LRP1B: variants seen among roughly 807,000 people sequenced by gnomAD.
The protein encoded by LRP1B is LDL receptor related protein 1B, also known as low-density lipoprotein receptor-related protein 1B.
In LRP1B, 217 loss-of-function variants were observed where a neutral mutation model predicts 556.6. The observed-to-expected ratio is 0.39, with a 90% CI of 0.35 to 0.44. LRP1B has a LOEUF of 0.44. Among genes scored for constraint, LRP1B ranks in the 20% least tolerant of loss-of-function variants. LRP1B has a pLI of 1.00. For missense variants in LRP1B, 5,053 were observed against 5,620.8 expected (o/e 0.90, Z 3.23); for synonymous variants, 2,047 against 1,865.8 (o/e 1.10, Z -2.50).
At chr2:140,465,580 C>T (rs1271474549) in intron 60 of LRP1B, among the ~76,000 whole-genome samples, 1 of 151,976 alleles carries the variant, frequency 6.6e-6, no homozygotes, top group East Asian at 1.9e-4. Context: ...CCTACTGATC[C>T]CTAATCTACT....
intron 79 of LRP1B, among the ~76,000 whole-genome samples, chr2:140,327,587 C>CA (rs1463530683): frequency 6.6e-6 from 1 of 151,990 alleles, no homozygotes. Context: ...GGGTTAAAAA[C>CA]ATAAAACATG....
At position 141,337,469 on chromosome 2, in the gene LRP1B, C is replaced by T. The variant is rs564314338; in HGVS notation, c.344-82828G>A. 2.0e-3 allele frequency among the ~76,000 whole-genome samples: 286 copies of T among 141,720 alleles called. 1 individual carries two copies. Among genetic ancestry groups the T allele is most frequent in the Admixed American group, 3.7e-3 (53 of 14,338 alleles). 93.0% of individuals were successfully genotyped at this position (141,720 alleles called of 152,430 possible). ...CTGAAAGTAAGTTCTTTATGAGATGCGGGATTTGCAATATTTTGTCTCAGT... is the reference window on the plus strand; with the variant it reads ...CTGAAAGTAAGTTCTTTATGAGATGTGGGATTTGCAATATTTTGTCTCAGT... On this transcript the variant is annotated intron_variant, in intron 3 of 90. Transcript: ENST00000389484.
chr2:141,240,392 T>C (rs984128636), intron 5 of LRP1B, among the ~76,000 whole-genome samples: 1 of 152,052 alleles, frequency 6.6e-6, no homozygotes, highest in Non-Finnish European at 1.5e-5. Flanking sequence ...TTATTCTGTC[T>C]ACTCGGATTT....
intron 11 of LRP1B, among the ~76,000 whole-genome samples, chr2:141,044,235 G>T (rs200194542): frequency 0.019 from 2,822 of 151,510 alleles, 142 homozygotes; most frequent in East Asian, 0.18. Context: ...AGCTGAAACT[G>T]GATCCCTTCC....
intron 3 of LRP1B, among the ~76,000 whole-genome samples, chr2:141,406,373 T>C (rs1002601182): frequency 4.6e-5 from 7 of 152,016 alleles, no homozygotes; most frequent in Non-Finnish European, 8.8e-5. Flanking sequence ...TAAAATCTGG[T>C]TGGGATAACA....
intron 3 of LRP1B, among the ~76,000 whole-genome samples, chr2:141,300,441 T>A (rs1421494404): frequency 6.6e-6 from 1 of 152,164 alleles, no homozygotes; most frequent in African/African-American, 2.4e-5. Context: ...CCTGGAAAGT[T>A]AAATATGGAA....
rs942275492 is a variant in LRP1B at position 140,843,151 on chromosome 2, G to A, written c.4940-2059C>T. 4.2e-5 allele frequency among the ~76,000 whole-genome samples: 5 copies of A among 118,860 alleles called. No individual in the cohort carries two copies. The South Asian group carries it at 8.6e-4, about 20-fold the overall frequency. The allele number at this position is 118,860 out of a possible 152,430, so 78.0% of individuals were successfully genotyped here. A position where few individuals can be genotyped will look rare whatever the true frequency, so the allele number is the denominator to read the frequency against. ...GGGGTAAGCATTGTCTCTGCTGCTC[G>A]AAATCCTTTTATTCATTTCTGATAG... On this transcript the variant is annotated intron_variant, in intron 29 of 90. Transcript: ENST00000389484.
In LRP1B at chr2:140,266,709, AAT is replaced by A. The variant is rs1386176567; in HGVS notation, c.13247+3531_13247+3532del. ...AACCCTTTCTTTCCTATAAAACTAC[AAT>A]ATGTTTTCTAAAAATACTGTGAACA... On this transcript the variant is annotated intron_variant, in intron 86 of 90. Coordinates refer to ENST00000389484, the MANE Select transcript of LRP1B (RefSeq NM_018557.3). Among the ~76,000 whole-genome samples, 4 of 151,910 alleles carry A rather than the reference AAT, an allele frequency of 2.6e-5. No individual in the cohort carries two copies. In the East Asian group the frequency reaches 7.8e-4, roughly 29 times the overall value.
At chr2:141,917,627 A>C (rs1700073609) in intron 1 of LRP1B, among the ~76,000 whole-genome samples, 1 of 152,208 alleles carries the variant, frequency 6.6e-6, no homozygotes, top group Non-Finnish European at 1.5e-5. Flanking sequence ...AGCAATAGTC[A>C]CAAAGGACAG....
intron 8 of LRP1B, 93 bp downstream of exon 8, chr2:141,061,958 C>A: frequency 2.1e-6 from 2 of 947,910 alleles, no homozygotes; most frequent in Non-Finnish European, 3.4e-6. Context: ...CATTGCAGCT[C>A]GACTTTACAA....
At chr2:141,448,836 C>T (rs910562368) in intron 3 of LRP1B, among the ~76,000 whole-genome samples, 1 of 152,210 alleles carries the variant, frequency 6.6e-6, no homozygotes. Flanking sequence ...AGAGCTCTTC[C>T]TATTTGGCCA....
intron 43 of LRP1B, among the ~76,000 whole-genome samples, chr2:140,562,103 T>C (rs1001084130): frequency 1.3e-5 from 2 of 152,068 alleles, no homozygotes; most frequent in Non-Finnish European, 2.9e-5. Flanking sequence ...AGAATATCAA[T>C]GGACAATCTA....
At position 141,160,408 on chromosome 2, in the gene LRP1B, A is replaced by C. The variant is rs145070977; in HGVS notation, c.1013+28013T>G. Among the ~76,000 whole-genome samples the C allele has an allele frequency of 1.6e-3, 241 of 152,328 alleles. 5 individuals carry two copies. Among genetic ancestry groups the C allele is most frequent in the East Asian group, 3.1e-3 (16 of 5,180 alleles). ...ACAACAATCACACTCCTAGGTATTT[A>C]TCCTAGAAAAATTAAAATTTATGCT... On this transcript the variant is annotated intron_variant, in intron 7 of 90. Coordinates refer to ENST00000389484, the MANE Select transcript of LRP1B (RefSeq NM_018557.3).
intron 60 of LRP1B, among the ~76,000 whole-genome samples, chr2:140,466,474 G>T (rs1370427339): frequency 6.6e-6 from 1 of 152,022 alleles, no homozygotes; most frequent in Non-Finnish European, 1.5e-5. Flanking sequence ...TTTAATATGA[G>T]GCTCTTCAGG....
chr2:141,466,798 GTCTA>G lies in LRP1B; in HGVS notation c.343+13594_343+13597del, dbSNP rs546685730. Reference sequence around the variant, plus strand: ...GGAATTGCCTTACCTTCAATGGAATGTCTATCTATAACCTTTTTTTAATATGAAA... The same window carrying G: ...GGAATTGCCTTACCTTCAATGGAATGTCTATAACCTTTTTTTAATATGAAA... On this transcript the variant is annotated intron_variant, in intron 3 of 90. Coordinates refer to ENST00000389484, the MANE Select transcript of LRP1B (RefSeq NM_018557.3). 1.3e-3 allele frequency among the ~76,000 whole-genome samples: 203 copies of G among 152,054 alleles called. 2 individuals are homozygous for G. The highest frequency in any genetic ancestry group is 2.4e-3 in the Non-Finnish European group (161 of 67,992).
rs200304905 is a variant in LRP1B at position 142,124,077 on chromosome 2, GGTTT to G, written c.82+6567_82+6570del. 5.8e-3 allele frequency among the ~76,000 whole-genome samples: 882 copies of G among 151,786 alleles called. 5 individuals are homozygous for G. The highest frequency in any genetic ancestry group is 0.015 in the African/African-American group (631 of 41,434). On this transcript the variant is annotated intron_variant, in intron 1 of 90. Coordinates refer to ENST00000389484, the MANE Select transcript of LRP1B (RefSeq NM_018557.3). ...TTTTAGATTTGGGGGTACATGTGAA[GGTTT>G]GTTACATAGGTAAACATGTGTAACA...
At chr2:140,449,973 A>G (rs1686818286) in intron 63 of LRP1B, among the ~76,000 whole-genome samples, 1 of 152,196 alleles carries the variant, frequency 6.6e-6, no homozygotes, top group South Asian at 2.1e-4. Flanking sequence ...CAAAGTTACC[A>G]ACGATTGCTG....
At chr2:141,656,083 G>T (rs143037493) in intron 2 of LRP1B, among the ~76,000 whole-genome samples, 6 of 152,202 alleles carry the variant, frequency 3.9e-5, no homozygotes, top group African/African-American at 1.4e-4. Context: ...GACACAAAGT[G>T]GTTATGTGAC....
rs955782487 is a variant in LRP1B, at chr2:140,536,630, A to G, written c.7593T>C (p.Asp2531=). 6.2e-7 allele frequency: 1 copy of G among 1,612,120 alleles called. No individual in the cohort carries two copies. The highest frequency in any genetic ancestry group is 8.5e-7 in the Non-Finnish European group (1 of 1,178,874). Residue 2531 remains aspartate (D), a synonymous_variant, in exon 46 of 91, where the codon GAT becomes GAC. Transcript: ENST00000389484. The part of the protein sequence containing the change: ...GECIDYQLTC[D]GIPHCKDKSD... ...ATTTATCTTTACAGTGAGGAATGCCATCACAGGTGAGCTGGTAGTCAATGC... is the reference window on the plus strand; with the variant it reads ...ATTTATCTTTACAGTGAGGAATGCCGTCACAGGTGAGCTGGTAGTCAATGC...
Sources: allele counts gnomAD v4.1 joint callset (sites outside exome capture counted in the v4.1 genomes callset), GRCh38; gene constraint gnomAD v4.1.1; transcripts MANE v1.5; gene names NCBI Gene and HGNC (gene_info 2026-07-23, HGNC 2026-07-21).